The following MBIP variants were observed in gnomAD, a reference collection of about 807,000 sequenced individuals.
MBIP encodes the protein MAP3K12-binding inhibitory protein 1.
MBIP carries 32 observed loss-of-function variants against 45.7 expected under a neutral mutation model. That is an observed-to-expected ratio of 0.70 (90% CI 0.53 to 0.94). The LOEUF (loss-of-function observed/expected upper bound fraction) is 0.94. MBIP is among the 40% of genes least tolerant of loss of function. The pLI is 0.00. For synonymous variants in MBIP, 145 were observed against 141.0 expected (o/e 1.03, Z -0.20); for missense variants, 381 against 405.5 (o/e 0.94, Z 0.52).
chr14:36,303,401 G>A (rs1879687814), intron 7 of MBIP, among the ~76,000 whole-genome samples: 1 of 152,084 alleles, frequency 6.6e-6, no homozygotes, highest in Admixed American at 6.5e-5. Flanking sequence ...TGTTAATTTT[G>A]TCATTGTGTG....
intron 8 of MBIP, among the ~76,000 whole-genome samples, chr14:36,300,000 T>C (rs535288991): frequency 1.3e-5 from 2 of 152,280 alleles, no homozygotes; most frequent in African/African-American, 2.4e-5. Flanking sequence ...GTGGTGATGG[T>C]TGCACAACAT....
Position 36,316,788 on chromosome 14 carries a change from T to C in MBIP, c.154A>G (p.Lys52Glu). Residue 52 changes from lysine (K) to glutamate (E), a missense_variant, in exon 2 of 9, where the codon AAA becomes GAA. Transcript: ENST00000416007. The part of the protein sequence containing the change: ...GQLDLRDDVV[K>E]ITIDWNKLQS... ...AGCTTGTTCCAATCGATTGTAATTTTCACCACATCATCTCTGAGGTCAAGC... is the reference window on the plus strand; with the variant it reads ...AGCTTGTTCCAATCGATTGTAATTTCCACCACATCATCTCTGAGGTCAAGC... 6.2e-7 allele frequency: 1 copy of C among 1,612,310 alleles called. No individual in the cohort carries two copies. Among genetic ancestry groups the C allele is most frequent in the South Asian group, 1.1e-5 (1 of 90,804 alleles).
chr14:36,312,095 T>G (rs201874269), intron 4 of MBIP, 71 bp from the exon 5 acceptor site: 1 of 789,440 alleles, frequency 1.3e-6, no homozygotes, highest in Admixed American at 2.7e-5. Context: ...TTTAATAAAC[T>G]TTCAATAATT....
At position 36,320,452 on chromosome 14, in the gene MBIP, C is replaced by T; in HGVS notation, c.129+8G>A. ...TCCATATTCCCAGTCCCTCAGGCCA[C>T]CTCTCACCTGTCCAACCAGGGTGTG... On this transcript the variant is annotated splice_region_variant and intron_variant, in intron 1 of 8. Transcript: ENST00000416007. 1.2e-6 allele frequency: 2 copies of T among 1,614,112 alleles called. No individual in the cohort carries two copies. Among genetic ancestry groups the T allele is most frequent in the Non-Finnish European group, 1.7e-6 (2 of 1,180,024 alleles).
chr14:36,314,587 A>G lies in MBIP; in HGVS notation c.496T>C (p.Phe166Leu), dbSNP rs1880439205. 1 of 1,611,390 alleles carries G rather than the reference A, an allele frequency of 6.2e-7. No individual in the cohort carries two copies. The highest frequency in any genetic ancestry group is 2.2e-5 in the East Asian group (1 of 44,824). ...ATTTCAGCTTGCTTTCTTTCAATAA[A>G]TGCAGATATTCGTCTGTCAATCTAC... ...KAEIDRRISA[F>L]IERKQAEINE... Residue 166 changes from phenylalanine to leucine, a missense_variant, in exon 4 of 9, where the codon TTT becomes CTT. Transcript: ENST00000416007.
Position 36,299,122 on chromosome 14 carries a change from T to G in MBIP, c.996A>C (p.Ser332=). ...GGGTTGCCATGGATTCTGCTTCTCTTGATTTTCTGAGGAGGGCTTGTTTGA... is the reference window on the plus strand; with the variant it reads ...GGGTTGCCATGGATTCTGCTTCTCTGGATTTTCTGAGGAGGGCTTGTTTGA... ...SALKQALLRK[S]REAESMATHH... The change falls in exon 9 of 9, where the codon TCA becomes TCC. Residue 332 remains serine, a synonymous_variant. Coordinates refer to ENST00000416007, the MANE Select transcript of MBIP (RefSeq NM_016586.3). 6.2e-7 allele frequency: 1 copy of G among 1,613,864 alleles called. No individual in the cohort carries two copies. The highest frequency in any genetic ancestry group is 2.2e-5 in the East Asian group (1 of 44,840).
At chr14:36,310,258 T>C (rs576182504) in intron 6 of MBIP, among the ~76,000 whole-genome samples, 1 of 152,318 alleles carries the variant, frequency 6.6e-6, no homozygotes, top group African/African-American at 2.4e-5. Context: ...TACCTTCATC[T>C]GGCTAGCATA....
chr14:36,316,676 T>C lies in MBIP; in HGVS notation c.249+17A>G. On this transcript the variant is annotated intron_variant, in intron 2 of 8. Coordinates refer to ENST00000416007, the MANE Select transcript of MBIP (RefSeq NM_016586.3). ...CTATTTTCAATATCGGGTTATCATT[T>C]CTAACAAGAAATTTACCTGTAAATA... The C allele has an allele frequency of 6.3e-7, 1 of 1,591,852 alleles. No individual in the cohort carries two copies. The highest frequency in any genetic ancestry group is 8.5e-7 in the Non-Finnish European group (1 of 1,171,224).
chr14:36,319,417 G>A (rs188752302), intron 1 of MBIP, among the ~76,000 whole-genome samples: 6 of 152,244 alleles, frequency 3.9e-5, no homozygotes, highest in Non-Finnish European at 7.4e-5. Context: ...ATTAATAACT[G>A]CGTCATTTCA....
chr14:36,306,821 C>A (rs1191421892), intron 7 of MBIP, among the ~76,000 whole-genome samples: 2 of 152,140 alleles, frequency 1.3e-5, no homozygotes, highest in Non-Finnish European at 2.9e-5. Flanking sequence ...CATTAAAAAT[C>A]TTTATGAAGT....
At chr14:36,311,490 G>A in intron 6 of MBIP, 83 bp downstream of exon 6, 1 of 1,326,784 alleles carries the variant, frequency 7.5e-7, no homozygotes, top group Non-Finnish European at 1.0e-6. Context: ...GGAGCTAAAT[G>A]AAAATTTGGT....
intron 8 of MBIP, among the ~76,000 whole-genome samples, chr14:36,299,944 A>G (rs1879435410): frequency 6.6e-6 from 1 of 152,068 alleles, no homozygotes; most frequent in Non-Finnish European, 1.5e-5. Flanking sequence ...GAGTGCTAAT[A>G]GATACAGGGT....
rs201937144 is a variant in MBIP at position 36,308,098 on chromosome 14, C to T, written c.882G>A (p.Gln294=). ...ELEGISPEYF[Q]SVSFSGKRRK... ...AAAAGACACTTATACTCACTACAGA[C>T]TGAAAATATTCAGGAGAGATGCCTT... The change falls in exon 7 of 9, where the codon CAG becomes CAA. Residue 294 remains glutamine, a synonymous_variant. Transcript: ENST00000416007. 2.0e-6 allele frequency: 3 copies of T among 1,534,928 alleles called. No individual in the cohort carries two copies. Among genetic ancestry groups the T allele is most frequent in the Non-Finnish European group, 2.7e-6 (3 of 1,114,282 alleles).
intron 7 of MBIP, among the ~76,000 whole-genome samples, chr14:36,303,500 G>A (rs920041388): frequency 2.0e-5 from 3 of 152,082 alleles, no homozygotes; most frequent in Admixed American, 2.0e-4. Flanking sequence ...TAAACCTTAT[G>A]GCATGTTTCT....
rs779979052 is a variant in MBIP, at chr14:36,314,812, T to G, written c.353A>C (p.Lys118Thr). The G allele has an allele frequency of 1.2e-5, 20 of 1,613,426 alleles. No homozygotes were observed. The highest frequency in any genetic ancestry group is 1.6e-5 in the Non-Finnish European group (19 of 1,179,690). ...CTCTTGTAGGTCGCCAATGGAAAAT[T>G]TGTCATTTACTTCATTTTTGTTCCC... ...EMGNKNEVNDKFSIGDLQEEE... is the reference protein window; with the variant it reads ...EMGNKNEVNDTFSIGDLQEEE... Residue 118 changes from lysine (K) to threonine (T), a missense_variant, in exon 3 of 9, where the codon AAA becomes ACA. Transcript: ENST00000416007.
At chr14:36,301,037 A>G (rs1355777137) in intron 7 of MBIP, 4 of 340,950 alleles carry the variant, frequency 1.2e-5, no homozygotes, top group African/African-American at 6.4e-5. Flanking sequence ...ATATAATAGT[A>G]ATATTGCAGC....
At chr14:36,305,704 C>A (rs1449040310) in intron 7 of MBIP, among the ~76,000 whole-genome samples, 1 of 152,130 alleles carries the variant, frequency 6.6e-6, no homozygotes, top group Non-Finnish European at 1.5e-5. Flanking sequence ...AAAAAGCTTA[C>A]CTGATGTTTT....
intron 4 of MBIP, chr14:36,313,917 T>C (rs1229296629): frequency 6.6e-6 from 1 of 152,182 alleles, no homozygotes; most frequent in African/African-American, 2.4e-5. Context: ...TGCAGCATAC[T>C]TGCAGATTTG....
chr14:36,300,126 C>G (rs1190322115), intron 8 of MBIP, among the ~76,000 whole-genome samples: 1 of 152,042 alleles, frequency 6.6e-6, no homozygotes, highest in Non-Finnish European at 1.5e-5. Flanking sequence ...TTTTAAAAAC[C>G]TGATTATTCT....
Sources: gnomAD v4.1 joint callset for allele counts (sites outside exome capture counted in the v4.1 genomes callset) on GRCh38, gnomAD v4.1.1 for gene constraint, MANE v1.5 for transcripts, NCBI Gene and HGNC (gene_info 2026-07-23, HGNC 2026-07-21) for gene names.